ITGAE: variants seen among roughly 807,000 people sequenced by gnomAD.
The protein encoded by ITGAE is integrin alpha-E.
Under a neutral mutation model 136.5 loss-of-function variants are expected in ITGAE, and 99 were observed. That is an observed-to-expected ratio of 0.73 (90% CI 0.62 to 0.86). The LOEUF (loss-of-function observed/expected upper bound fraction) is 0.86, where lower values mean the gene tolerates loss of function less well. ITGAE is among the 40% of genes least tolerant of loss of function. The probability of loss-of-function intolerance (pLI) is 0.00; values close to 1 mark genes in which losing one functional copy is unlikely to be tolerated. For missense variants in ITGAE, 1,447 were observed against 1,515.3 expected (o/e 0.95, Z 0.75); for synonymous variants, 613 against 591.8 (o/e 1.04, Z -0.52).
intron 1 of ITGAE, among the ~76,000 whole-genome samples, chr17:3,787,699 T>G (rs891280603): frequency 1.3e-5 from 2 of 151,964 alleles, no homozygotes; most frequent in African/African-American, 4.8e-5. Context: ...TCTTTTTTTT[T>G]TTTTTTGAGA....
intron 26 of ITGAE, chr17:3,724,148 C>T: frequency 4.4e-6 from 7 of 1,595,118 alleles, no homozygotes; most frequent in Non-Finnish European, 5.1e-6. Flanking sequence ...ACCCCGACTT[C>T]CCCGGCAGCC....
intron 2 of ITGAE, among the ~76,000 whole-genome samples, chr17:3,764,436 C>A (rs1401933949): frequency 6.6e-6 from 1 of 152,200 alleles, no homozygotes; most frequent in African/African-American, 2.4e-5. Context: ...GCGGCTCACG[C>A]CTGTAATCCC....
intron 22 of ITGAE, among the ~76,000 whole-genome samples, chr17:3,732,041 A>G (rs537766154): frequency 2.1e-4 from 32 of 152,002 alleles, no homozygotes; most frequent in African/African-American, 7.0e-4. Context: ...GTGCCACTGC[A>G]CTCCAGCCTG....
At position 3,759,542 on chromosome 17, in the gene ITGAE, G is replaced by A; in HGVS notation, c.726C>T (p.Ala242=). The A allele has an allele frequency of 6.2e-7, 1 of 1,611,984 alleles. No homozygotes were observed. The highest frequency in any genetic ancestry group is 8.5e-7 in the Non-Finnish European group (1 of 1,178,170). The change falls in exon 8 of 31, where the codon GCC becomes GCT. Residue 242 remains alanine, a synonymous_variant. Coordinates refer to ENST00000263087, the MANE Select transcript of ITGAE (RefSeq NM_002208.5). ...GGATCACTCCTCCATACTGCACCAA[G>A]GCAAAGTTGCACTGCAGGGGATGGG... is the stretch of plus-strand genomic sequence containing the variant. ...FYEKCFECNF[A]LVQYGGVIQT...
chr17:3,794,151 G>T (rs1278732438), intron 1 of ITGAE, among the ~76,000 whole-genome samples: 1 of 151,766 alleles, frequency 6.6e-6, no homozygotes, highest in Non-Finnish European at 1.5e-5. Flanking sequence ...ACTAATTTTT[G>T]TATTTTTAGT....
At chr17:3,753,173 TC>T in intron 14 of ITGAE, 116 bp downstream of exon 14, 2 of 1,146,450 alleles carry the variant, frequency 1.7e-6, no homozygotes, top group Non-Finnish European at 2.4e-6. Context: ...CCTGAGCACC[TC>T]CCCATCACTG....
At position 3,716,790 on chromosome 17, in the gene ITGAE, G is replaced by A. The variant is rs552633532; in HGVS notation, c.3342C>T (p.Val1114=). The change falls in exon 30 of 31, where the codon GTC becomes GTT. Residue 1114 remains valine (V), a synonymous_variant. Coordinates refer to ENST00000263087, the MANE Select transcript of ITGAE (RefSeq NM_002208.5). ...NAENHRTKIT[V]VFLKDEKYHS... ...GGTACTTCTCATCTTTCAGGAAGACGACAGTGATCTAGACAAGACAAAGAG... is the reference window on the plus strand; with the variant it reads ...GGTACTTCTCATCTTTCAGGAAGACAACAGTGATCTAGACAAGACAAAGAG... The A allele has an allele frequency of 3.4e-5, 54 of 1,569,508 alleles. No homozygotes were observed. Among genetic ancestry groups the A allele is most frequent in the South Asian group, 1.0e-4 (9 of 90,140 alleles).
intron 15 of ITGAE, among the ~76,000 whole-genome samples, chr17:3,751,424 G>A (rs970840394): frequency 3.3e-5 from 5 of 151,798 alleles, no homozygotes; most frequent in East Asian, 1.9e-4. Flanking sequence ...TGAAGGGGCC[G>A]AGGTGAAGCC....
At chr17:3,756,217 T>C (rs1372125506) in intron 10 of ITGAE, among the ~76,000 whole-genome samples, 1 of 133,994 alleles carries the variant, frequency 7.5e-6, no homozygotes, top group East Asian at 2.0e-4. Context: ...CTGGGGATAT[T>C]GTTGGCCTTT....
Position 3,724,101 on chromosome 17 carries a change from G to T in ITGAE, c.3085-357C>A, listed in dbSNP as rs762390900. On this transcript the variant is annotated intron_variant, in intron 26 of 30. Coordinates refer to ENST00000263087, the MANE Select transcript of ITGAE (RefSeq NM_002208.5). ...CGGCAGCAGCGACGCCAGCATCGGCGACCCCTCGCAGTCCGACGATCCTGA... is the reference window on the plus strand; with the variant it reads ...CGGCAGCAGCGACGCCAGCATCGGCTACCCCTCGCAGTCCGACGATCCTGA... The T allele has an allele frequency of 3.4e-5, 54 of 1,594,296 alleles. No homozygotes were observed. In the South Asian group the frequency reaches 5.4e-4, roughly 16 times the overall value.
intron 14 of ITGAE, among the ~76,000 whole-genome samples, chr17:3,752,752 G>GAAA (rs753597493): frequency 7.6e-6 from 1 of 130,890 alleles, no homozygotes; most frequent in South Asian, 2.4e-4. Context: ...CTCAGTCTCG[G>GAAA]AAAAAAAAAA....
chr17:3,724,299 C>T (rs372198310), intron 26 of ITGAE: 10 of 1,586,410 alleles, frequency 6.3e-6, no homozygotes, highest in African/African-American at 2.7e-5. Flanking sequence ...GCGAGCTCGG[C>T]CCCCGCAGAA....
Position 3,739,814 on chromosome 17 carries a change from G to C in ITGAE, c.2513C>G (p.Thr838Ser), listed in dbSNP as rs1216161696. The change falls in exon 20 of 31, where the codon ACC becomes AGC. Residue 838 changes from threonine (T) to serine (S), a missense_variant. Physicochemically the swap from Thr to Ser is moderately conservative, Grantham distance 58 (BLOSUM62 1). Around this residue, in one of 3 missense-constraint regions of ITGAE, gnomAD observed 1,031 missense variants for 1,011.4 expected, o/e 1.02. Transcript: ENST00000263087. ...FCVAELQLAT[T>S]VSQQELVVGL... ...GCTATGTCCAACTCACTGAGAGACG[G>C]TGGTGGCCAACTGTAATTCTGCGAC... The C allele has an allele frequency of 6.2e-7, 1 of 1,614,086 alleles. No homozygotes were observed. Among genetic ancestry groups the C allele is most frequent in the Admixed American group, 1.7e-5 (1 of 60,028 alleles).
At chr17:3,723,834 A>C in intron 26 of ITGAE, 90 bp from the exon 27 acceptor site, 3 of 1,549,710 alleles carry the variant, frequency 1.9e-6, no homozygotes, top group Non-Finnish European at 1.7e-6. Flanking sequence ...CGAGGTGCGC[A>C]TGCGCAGGGC....
At chr17:3,716,581 G>A (rs750254984) in intron 30 of ITGAE, 107 bp downstream of exon 30, 15 of 689,886 alleles carry the variant, frequency 2.2e-5, no homozygotes, top group Non-Finnish European at 3.1e-5. Flanking sequence ...AAGTGGCCAC[G>A]AGGCCAGGGC....
intron 19 of ITGAE, among the ~76,000 whole-genome samples, chr17:3,741,068 G>GTTTTT (rs1447955211): frequency 4.5e-5 from 5 of 110,512 alleles, no homozygotes; most frequent in African/African-American, 1.3e-4. Flanking sequence ...GTTTTTTGTT[G>GTTTTT]TATTTTTTTT....
rs555651227 is a variant in ITGAE, at chr17:3,781,903, C to T, written c.35-4243G>A. Among the ~76,000 whole-genome samples the T allele has an allele frequency of 9.2e-5, 14 of 152,144 alleles. No individual in the cohort carries two copies. The Middle Eastern group carries it at 0.017, about 185-fold the overall frequency. On this transcript the variant is annotated intron_variant, in intron 1 of 30. Coordinates refer to ENST00000263087, the MANE Select transcript of ITGAE (RefSeq NM_002208.5). ...GACCTCATCGTCTTTTGCTTGGACA[C>T]GTTAGTCTCCTGGCCTCTTTCAAGA...
At chr17:3,792,458 C>T (rs1441028415) in intron 1 of ITGAE, among the ~76,000 whole-genome samples, 1 of 152,092 alleles carries the variant, frequency 6.6e-6, no homozygotes, top group East Asian at 1.9e-4. Context: ...ATCTCTGCCT[C>T]GCCTGGAATG....
intron 15 of ITGAE, among the ~76,000 whole-genome samples, chr17:3,750,901 T>G: frequency 6.7e-6 from 1 of 149,002 alleles, no homozygotes; most frequent in Non-Finnish European, 1.5e-5. Flanking sequence ...GGGTGGAAGA[T>G]GGAGAGGAGG....
Sources: allele counts gnomAD v4.1 joint callset (sites outside exome capture counted in the v4.1 genomes callset), GRCh38; gene constraint gnomAD v4.1.1; regional missense constraint gnomAD v4.1.1; transcripts MANE v1.5; gene names NCBI Gene and HGNC (gene_info 2026-07-23, HGNC 2026-07-21).